The following PADI2 variants were observed in gnomAD, a reference collection of about 807,000 sequenced individuals.
PADI2 encodes peptidyl arginine deiminase 2.
PADI2 carries 70 observed loss-of-function variants against 81.1 expected under a neutral mutation model. That is an observed-to-expected ratio of 0.86 (90% CI 0.71 to 1.05). The LOEUF is 1.05. Ranked by LOEUF, PADI2 falls within the 50% of genes least tolerant of loss-of-function variation. The probability of loss-of-function intolerance (pLI) is 0.00; values close to 1 mark genes in which losing one functional copy is unlikely to be tolerated. For synonymous variants in PADI2, 338 were observed against 358.0 expected, an observed-to-expected ratio of 0.94 and a Z score of 0.63; for missense variants, 853 against 889.9, an observed-to-expected ratio of 0.96 and a Z score of 0.53.
At position 17,086,663 on chromosome 1, in the gene PADI2, C is replaced by T; in HGVS notation, c.692G>A (p.Gly231Asp). 5 of 1,614,012 alleles carry T rather than the reference C, an allele frequency of 3.1e-6. No homozygotes were observed. The South Asian group carries it at 5.5e-5, about 18-fold the overall frequency. Residue 231 changes from glycine to aspartate, a missense_variant, in exon 7 of 16, where the codon GGC becomes GAC. Coordinates refer to ENST00000375486, the MANE Select transcript of PADI2 (RefSeq NM_007365.3). The part of the protein sequence containing the change: ...FFGQRYIHIL[G>D]RRKLYHVVKY... ...GACCACATGGTAGAGCTTCCGCCGG[C>T]CCAGGATGTGGATATAGCGTTGGCC...
intron 14 of PADI2, 26 bp downstream of exon 14, chr1:17,071,380 G>A (rs1018820512): frequency 1.2e-5 from 19 of 1,567,986 alleles, no homozygotes; most frequent in African/African-American, 2.7e-5. Context: ...GGGCCCTCTG[G>A]CCCTGCACCC....
rs1227398690 is a variant in PADI2, at chr1:17,095,978, G to A, written c.350-8C>T. The A allele has an allele frequency of 6.2e-7, 1 of 1,600,654 alleles. No homozygotes were observed. Among genetic ancestry groups the A allele is most frequent in the South Asian group, 1.1e-5 (1 of 87,592 alleles). On this transcript the variant is annotated splice_polypyrimidine_tract_variant and splice_region_variant and intron_variant, in intron 3 of 15. Transcript: ENST00000375486. ...CCACATCCAGGGAGATCTCTGGGGA[G>A]AAGAGACATGGGTGAGTTGCTGAGC... is the stretch of plus-strand genomic sequence containing the variant.
chr1:17,082,802 T>C, intron 9 of PADI2, 150 bp from the exon 10 acceptor site: 1 of 590,078 alleles, frequency 1.7e-6, no homozygotes, highest in Non-Finnish European at 3.0e-6. Context: ...CCCCTCACAC[T>C]GATGATGGCA....
intron 1 of PADI2, among the ~76,000 whole-genome samples, chr1:17,106,282 A>G (rs555965366): frequency 6.7e-6 from 1 of 150,246 alleles, no homozygotes; most frequent in Admixed American, 6.6e-5. Context: ...ATTTCAGAGC[A>G]GGAGAACAAA....
intron 4 of PADI2, 28 bp downstream of exon 4, chr1:17,095,881 G>C: frequency 6.3e-7 from 1 of 1,593,384 alleles, no homozygotes. Flanking sequence ...CTGGGTTCAG[G>C]GTGGTGCCTG....
chr1:17,104,866 C>T lies in PADI2; in HGVS notation c.276+12G>A. 3.2e-6 allele frequency: 5 copies of T among 1,554,532 alleles called. No individual in the cohort carries two copies. The highest frequency in any genetic ancestry group is 4.4e-6 in the Non-Finnish European group (5 of 1,147,456). ...CCCGGGCCCGCAGAGGCTGGACTTC[C>T]CGCCGTGGTACCTTGTCACTGCTGG... is the stretch of plus-strand genomic sequence containing the variant. On this transcript the variant is annotated intron_variant, in intron 2 of 15. Transcript: ENST00000375486.
intron 9 of PADI2, chr1:17,083,238 G>A: frequency 6.3e-6 from 1 of 159,858 alleles, no homozygotes; most frequent in Non-Finnish European, 1.4e-5. Flanking sequence ...CCAGCTACTT[G>A]GGAGGCTGAG....
In PADI2 at chr1:17,084,670, G is replaced by A. The variant is rs187500985; in HGVS notation, c.867C>T (p.Thr289=). 79 of 1,565,690 alleles carry A rather than the reference G, an allele frequency of 5.0e-5. No individual in the cohort carries two copies. Among genetic ancestry groups the A allele is most frequent in the East Asian group, 1.2e-4 (5 of 41,608 alleles). Residue 289 remains threonine (T), a synonymous_variant, in exon 8 of 16, where the codon ACC becomes ACT. Coordinates refer to ENST00000375486, the MANE Select transcript of PADI2 (RefSeq NM_007365.3). The part of the protein sequence containing the change: ...DIPLTPIFTD[T]VIFRIAPWIM... ...TCCACGGAGCAATCCGGAATATCAC[G>A]GTGTCCGTGAAGATGGGAGTCAGGG...
At chr1:17,088,763 C>T (rs535865134) in intron 6 of PADI2, among the ~76,000 whole-genome samples, 12 of 151,946 alleles carry the variant, frequency 7.9e-5, no homozygotes, top group Non-Finnish European at 1.5e-4. Flanking sequence ...AAAAATTAGC[C>T]GGACATGGTG....
rs553191438 is a variant in PADI2 at position 17,098,781 on chromosome 1, T to C, written c.350-2811A>G. 2.0e-5 allele frequency among the ~76,000 whole-genome samples: 3 copies of C among 152,326 alleles called. No individual in the cohort carries two copies. In the South Asian group the frequency reaches 6.2e-4, roughly 32 times the overall value. ...TCACCCTCAGAGACCGCCCACCCTG[T>C]AGTCATGCCCATGGGACTTCGCCCC... On this transcript the variant is annotated intron_variant, in intron 3 of 15. Coordinates refer to ENST00000375486, the MANE Select transcript of PADI2 (RefSeq NM_007365.3).
rs1397682362 is a variant in PADI2 at position 17,092,395 on chromosome 1, T to C, written c.655+13A>G. 3 of 1,596,166 alleles carry C rather than the reference T, an allele frequency of 1.9e-6. No homozygotes were observed. The highest frequency in any genetic ancestry group is 2.6e-6 in the Non-Finnish European group (3 of 1,171,412). ...TAGAAAGGTCTAGGCTGGACTGGGC[T>C]GGGATCACTCACTCTCCACGTAGAA... On this transcript the variant is annotated intron_variant, in intron 6 of 15. Coordinates refer to ENST00000375486, the MANE Select transcript of PADI2 (RefSeq NM_007365.3).
In PADI2 at chr1:17,119,308, C is replaced by A. The variant is rs374088881; in HGVS notation, c.64G>T (p.Gly22Cys). ...GSRVEAVYVL[G>C]TYLWTDVYSA... Reference sequence around the variant, plus strand: ...TAGACATCGGTCCAGAGGTAGGTGCCCAGCACGTACACCGCCTCCACGCGG... The same window carrying A: ...TAGACATCGGTCCAGAGGTAGGTGCACAGCACGTACACCGCCTCCACGCGG... Residue 22 changes from glycine to cysteine, a missense_variant, in exon 1 of 16, where the codon GGC becomes TGC. Coordinates refer to ENST00000375486, the MANE Select transcript of PADI2 (RefSeq NM_007365.3). This position sits in a 1 kb window ranked among gnomAD's most constrained non-coding sequence, Gnocchi z 4.8. 7 of 1,561,540 alleles carry A rather than the reference C, an allele frequency of 4.5e-6. No homozygotes were observed. The highest frequency in any genetic ancestry group is 5.2e-6 in the Non-Finnish European group (6 of 1,154,170).
At chr1:17,078,413 AT>A (rs898437559) in intron 11 of PADI2, among the ~76,000 whole-genome samples, 1 of 144,726 alleles carries the variant, frequency 6.9e-6, no homozygotes, top group East Asian at 2.1e-4. Flanking sequence ...ACCAGGCCTG[AT>A]TTTTTTTGCC....
Position 17,104,885 on chromosome 1 carries a change from C to A in PADI2, c.269G>T (p.Ser90Ile), listed in dbSNP as rs1216047783. The change falls in exon 2 of 16, where the codon AGT becomes ATT. Residue 90 changes from serine (S) to isoleucine (I), a missense_variant. Coordinates refer to ENST00000375486, the MANE Select transcript of PADI2 (RefSeq NM_007365.3). Reference sequence around the variant, plus strand: ...GACTTCCCGCCGTGGTACCTTGTCACTGCTGGCCTCGGTGCTCGCCTGGCT... The same window carrying A: ...GACTTCCCGCCGTGGTACCTTGTCAATGCTGGCCTCGGTGCTCGCCTGGCT... ...TMSQASTEAS[S>I]DKVTVNYYDE... 1 of 1,575,490 alleles carries A rather than the reference C, an allele frequency of 6.3e-7. No individual in the cohort carries two copies.
At chr1:17,116,705 G>T (rs188199999) in intron 1 of PADI2, among the ~76,000 whole-genome samples, 92 of 152,244 alleles carry the variant, frequency 6.0e-4, no homozygotes, top group African/African-American at 2.1e-3. Context: ...CTGGACAAAT[G>T]GCTTCATCTC....
At chr1:17,075,522 T>TAA in intron 12 of PADI2, 157 bp downstream of exon 12, 1 of 616,560 alleles carries the variant, frequency 1.6e-6, no homozygotes, top group Non-Finnish European at 2.7e-6. Flanking sequence ...GTTAAAATTT[T>TAA]ACCTGCCACA....
At chr1:17,109,635 C>A (rs1224460842) in intron 1 of PADI2, among the ~76,000 whole-genome samples, 2 of 148,560 alleles carry the variant, frequency 1.3e-5, no homozygotes, top group East Asian at 4.0e-4. Context: ...GGACTACAGG[C>A]ATGCACCACC....
At chr1:17,079,925 C>T (rs574651393) in intron 10 of PADI2, among the ~76,000 whole-genome samples, 1 of 151,956 alleles carries the variant, frequency 6.6e-6, no homozygotes, top group South Asian at 2.1e-4. Flanking sequence ...TCCCCAGTGG[C>T]TAGGATTATA....
intron 3 of PADI2, among the ~76,000 whole-genome samples, chr1:17,096,541 G>A (rs1328419904): frequency 6.6e-6 from 1 of 152,200 alleles, no homozygotes; most frequent in Non-Finnish European, 1.5e-5. Flanking sequence ...TTTTACTGTG[G>A]GTGGGAAGCT....
Sources: allele counts gnomAD v4.1 joint callset (sites outside exome capture counted in the v4.1 genomes callset), GRCh38; gene constraint gnomAD v4.1.1; non-coding constraint Gnocchi (gnomAD v3.1); transcripts MANE v1.5; gene names NCBI Gene and HGNC (gene_info 2026-07-23, HGNC 2026-07-21).